The following PTPRM variants were observed in gnomAD, a reference collection of about 807,000 sequenced individuals.
PTPRM encodes protein tyrosine phosphatase receptor type M, also known as receptor-type tyrosine-protein phosphatase mu.
A neutral mutation model predicts 186.7 loss-of-function variants in PTPRM; 47 were observed. That is an observed-to-expected ratio of 0.25 (90% CI 0.20 to 0.32). PTPRM has a LOEUF of 0.32. PTPRM is among the 10% of genes least tolerant of loss of function. PTPRM has a pLI of 1.00. For synonymous variants in PTPRM, 668 were observed against 674.9 expected, an observed-to-expected ratio of 0.99 and a Z score of 0.16; for missense variants, 1,494 against 1,865.0, an observed-to-expected ratio of 0.80 and a Z score of 3.66.
At chr18:8,015,260 A>G (rs1170707975) in intron 7 of PTPRM, among the ~76,000 whole-genome samples, 3 of 152,234 alleles carry the variant, frequency 2.0e-5, no homozygotes, top group Admixed American at 2.0e-4. Flanking sequence ...CCTACTGTTG[A>G]CTAGAAGCCT....
intron 11 of PTPRM, among the ~76,000 whole-genome samples, chr18:8,098,654 A>C (rs948423455): frequency 4.6e-5 from 7 of 152,122 alleles, no homozygotes; most frequent in African/African-American, 1.7e-4. Flanking sequence ...GCTTCAAATA[A>C]GCCATTGCTA....
intron 22 of PTPRM, among the ~76,000 whole-genome samples, chr18:8,321,954 G>A (rs2095348459): frequency 6.6e-6 from 1 of 152,122 alleles, no homozygotes; most frequent in Non-Finnish European, 1.5e-5. Flanking sequence ...GCATGGACAG[G>A]TAGAATATGT....
intron 23 of PTPRM, among the ~76,000 whole-genome samples, chr18:8,353,896 G>A (rs1271075265): frequency 6.6e-6 from 1 of 152,054 alleles, no homozygotes; most frequent in Non-Finnish European, 1.5e-5. Flanking sequence ...CACAAACTAT[G>A]GGACAAAAAG....
chr18:7,769,183 G>A (rs2042158449), intron 1 of PTPRM, among the ~76,000 whole-genome samples: 4 of 152,106 alleles, frequency 2.6e-5, no homozygotes, highest in Admixed American at 2.6e-4. Context: ...AATTTAGGGT[G>A]AGGGTAGTTG....
chr18:8,196,642 G>A (rs1029086862), intron 14 of PTPRM, among the ~76,000 whole-genome samples: 2 of 152,162 alleles, frequency 1.3e-5, no homozygotes, highest in Non-Finnish European at 2.9e-5. Flanking sequence ...AGTCAGTTAA[G>A]GAAGACCATT....
At chr18:7,794,587 T>C (rs962032364) in intron 2 of PTPRM, among the ~76,000 whole-genome samples, 1 of 152,176 alleles carries the variant, frequency 6.6e-6, no homozygotes, top group African/African-American at 2.4e-5. Context: ...CTATAAGGGA[T>C]AGAGACTTAT....
At chr18:8,150,761 G>T (rs879441720) in intron 14 of PTPRM, among the ~76,000 whole-genome samples, 11 of 152,244 alleles carry the variant, frequency 7.2e-5, no homozygotes, top group African/African-American at 2.6e-4. Context: ...TTTTGCGCTG[G>T]TTTCTCCCCA....
chr18:7,993,170 C>T (rs947119812), intron 7 of PTPRM, among the ~76,000 whole-genome samples: 5 of 151,488 alleles, frequency 3.3e-5, no homozygotes, highest in African/African-American at 1.2e-4. Flanking sequence ...TGAAATAACC[C>T]AGTCAGACAT....
At chr18:7,766,915 A>T (rs1201090584) in intron 1 of PTPRM, among the ~76,000 whole-genome samples, 1 of 152,182 alleles carries the variant, frequency 6.6e-6, no homozygotes, top group East Asian at 1.9e-4. Context: ...TAGGTAATAC[A>T]TGTTTATATT....
intron 23 of PTPRM, among the ~76,000 whole-genome samples, chr18:8,352,632 C>CTTTTTTTTTTTTTTTTTTT (rs58235619): frequency 7.7e-6 from 1 of 130,462 alleles, no homozygotes; most frequent in Admixed American, 7.6e-5. Context: ...TTTTTCTTTT[C>CTTTTTTTTTTTTTTTTTTT]TTTTTTTTTT....
At chr18:7,940,006 C>T (rs922922885) in intron 5 of PTPRM, among the ~76,000 whole-genome samples, 1 of 152,126 alleles carries the variant, frequency 6.6e-6, no homozygotes, top group African/African-American at 2.4e-5. Context: ...ACACACTGAC[C>T]TCTCCAGGTG....
At chr18:7,988,637 A>G (rs1455906405) in intron 7 of PTPRM, among the ~76,000 whole-genome samples, 1 of 152,182 alleles carries the variant, frequency 6.6e-6, no homozygotes, top group Non-Finnish European at 1.5e-5. Context: ...TATTCTGGGT[A>G]TCTCATAAAA....
intron 14 of PTPRM, among the ~76,000 whole-genome samples, chr18:8,231,452 T>C (rs143061872): frequency 1.4e-3 from 211 of 152,344 alleles, no homozygotes; most frequent in Non-Finnish European, 2.2e-3. Flanking sequence ...GGCAGCAATT[T>C]GTCCTGCAGC....
intron 14 of PTPRM, among the ~76,000 whole-genome samples, chr18:8,170,044 C>T (rs1375813924): frequency 2.6e-5 from 4 of 152,104 alleles, no homozygotes; most frequent in African/African-American, 7.2e-5. Flanking sequence ...CAGATAGGTT[C>T]GATGCTTCTG....
chr18:7,812,041 C>G (rs1472084631), intron 2 of PTPRM, among the ~76,000 whole-genome samples: 1 of 152,162 alleles, frequency 6.6e-6, no homozygotes, highest in Non-Finnish European at 1.5e-5. Flanking sequence ...CTCTTGTGCA[C>G]TGATTCTTAA....
chr18:8,127,084 T>C (rs572772696), intron 13 of PTPRM, among the ~76,000 whole-genome samples: 1 of 151,684 alleles, frequency 6.6e-6, no homozygotes, highest in Non-Finnish European at 1.5e-5. Context: ...ACTAGAAACA[T>C]TGGAGAAGAG....
chr18:8,092,329 G>A (rs1194537796), intron 11 of PTPRM, among the ~76,000 whole-genome samples: 4 of 152,154 alleles, frequency 2.6e-5, no homozygotes, highest in Non-Finnish European at 5.9e-5. Context: ...CTAGCATGTA[G>A]GAGAGAATTT....
intron 1 of PTPRM, among the ~76,000 whole-genome samples, chr18:7,589,759 C>T (rs1228256178): frequency 2.6e-5 from 4 of 152,162 alleles, no homozygotes; most frequent in African/African-American, 9.7e-5. Flanking sequence ...GAACACTAAA[C>T]AAAGGCATAT....
At chr18:8,125,067 C>T (rs949960472) in intron 13 of PTPRM, among the ~76,000 whole-genome samples, 1 of 151,888 alleles carries the variant, frequency 6.6e-6, no homozygotes, top group Non-Finnish European at 1.5e-5. Context: ...GATCTGACCC[C>T]AGCACCTAGG....
Sources: allele counts gnomAD v4.1 joint callset (sites outside exome capture counted in the v4.1 genomes callset), GRCh38; gene constraint gnomAD v4.1.1; transcripts MANE v1.5; gene names NCBI Gene and HGNC (gene_info 2026-07-23, HGNC 2026-07-21).